The following KCNN3 variants were observed in gnomAD, a reference collection of about 807,000 sequenced individuals.
The protein encoded by KCNN3 is small conductance calcium-activated potassium channel protein 3.
Under a neutral mutation model 62.9 loss-of-function variants are expected in KCNN3, and 16 were observed. The ratio of observed to expected loss-of-function variants is 0.25; its 90% CI spans 0.17 to 0.39. The LOEUF (loss-of-function observed/expected upper bound fraction) is 0.39, where lower values mean the gene tolerates loss of function less well. Ranked by LOEUF, KCNN3 falls within the 10% of genes least tolerant of loss-of-function variation. The pLI is 1.00. For missense variants in KCNN3, 599 were observed against 949.4 expected (o/e 0.63, Z 4.85); for synonymous variants, 370 against 389.2 (o/e 0.95, Z 0.58).
At chr1:154,743,893 G>A (rs536546985) in intron 3 of KCNN3, among the ~76,000 whole-genome samples, 1 of 152,274 alleles carries the variant, frequency 6.6e-6, no homozygotes, top group South Asian at 2.1e-4. Flanking sequence ...TGGGTTTATT[G>A]TGAAGTAATC....
At chr1:154,745,248 C>T (rs1700913741) in intron 3 of KCNN3, among the ~76,000 whole-genome samples, 1 of 152,200 alleles carries the variant, frequency 6.6e-6, no homozygotes, top group Admixed American at 6.5e-5. Context: ...CAGCATGGTG[C>T]AAGGCCTCCA....
chr1:154,820,950 G>A (rs1261282159), intron 2 of KCNN3, among the ~76,000 whole-genome samples: 1 of 152,206 alleles, frequency 6.6e-6, no homozygotes, highest in Admixed American at 6.5e-5. Context: ...ACCTGCGTCC[G>A]CACTGCTGCT....
intron 5 of KCNN3, among the ~76,000 whole-genome samples, chr1:154,719,406 A>G (rs1342301921): frequency 6.6e-6 from 1 of 152,184 alleles, no homozygotes; most frequent in Non-Finnish European, 1.5e-5. Flanking sequence ...CCTAGGCTGT[A>G]TGGTATAGCC....
chr1:154,761,331 G>A (rs1557962430), intron 3 of KCNN3, among the ~76,000 whole-genome samples: 1 of 152,188 alleles, frequency 6.6e-6, no homozygotes, highest in Non-Finnish European at 1.5e-5. Flanking sequence ...AGCCGGGCAT[G>A]GTGGCGCACG....
At chr1:154,867,466 T>C (rs971202648) in intron 1 of KCNN3, among the ~76,000 whole-genome samples, 1 of 152,078 alleles carries the variant, frequency 6.6e-6, no homozygotes, top group African/African-American at 2.4e-5. Flanking sequence ...CTGGAAGTCT[T>C]GGTCCTGGCT....
chr1:154,760,112 A>G (rs1647930526), intron 3 of KCNN3, among the ~76,000 whole-genome samples: 1 of 151,950 alleles, frequency 6.6e-6, no homozygotes, highest in African/African-American at 2.4e-5. Flanking sequence ...TCTCAGGTTC[A>G]AGCGATTCTC....
At chr1:154,735,023 G>A (rs1700680874) in intron 3 of KCNN3, among the ~76,000 whole-genome samples, 1 of 152,226 alleles carries the variant, frequency 6.6e-6, no homozygotes, top group African/African-American at 2.4e-5. Flanking sequence ...TCAGATTTAG[G>A]AAGGCCTGGA....
chr1:154,836,412 C>G (rs1321599020), intron 1 of KCNN3, among the ~76,000 whole-genome samples: 1 of 152,180 alleles, frequency 6.6e-6, no homozygotes, highest in Non-Finnish European at 1.5e-5. Context: ...TCTCTGAGCT[C>G]CCCTAGTCCA....
Position 154,780,185 on chromosome 1 carries a change from T to G in KCNN3, c.1030-7792A>C, listed in dbSNP as rs144452290. Among the ~76,000 whole-genome samples, 1,109 of 124,656 alleles carry G rather than the reference T, an allele frequency of 8.9e-3. 32 individuals are homozygous for G. Among genetic ancestry groups the G allele is most frequent in the Admixed American group, 0.067 (714 of 10,718 alleles). 81.8% of individuals were successfully genotyped at this position (124,656 alleles called of 152,430 possible). On this transcript the variant is annotated intron_variant, in intron 2 of 7. Transcript: ENST00000271915. ...GGCATGCAGGGAAGCTTGCCTTTTT[T>G]CTTTTTTTCTTTTTTTTTTTTTTTT... is the stretch of plus-strand genomic sequence containing the variant.
chr1:154,787,846 G>A (rs1045303501), intron 2 of KCNN3, among the ~76,000 whole-genome samples: 1 of 130,946 alleles, frequency 7.6e-6, no homozygotes, highest in Non-Finnish European at 1.6e-5. Flanking sequence ...CAGGGCCCAC[G>A]CTGCCACTTT....
chr1:154,863,819 C>T (rs772042146), intron 1 of KCNN3, among the ~76,000 whole-genome samples: 10 of 152,192 alleles, frequency 6.6e-5, no homozygotes, highest in African/African-American at 9.7e-5. Context: ...TGGGTAATGC[C>T]GCCTGTGGGG....
chr1:154,792,715 G>A (rs1649569142), intron 2 of KCNN3, among the ~76,000 whole-genome samples: 1 of 152,146 alleles, frequency 6.6e-6, no homozygotes, highest in Admixed American at 6.5e-5. Flanking sequence ...CCAGGGAAAT[G>A]TTTTCAAAAT....
intron 4 of KCNN3, among the ~76,000 whole-genome samples, chr1:154,726,318 G>A (rs1409785685): frequency 6.6e-6 from 1 of 152,178 alleles, no homozygotes; most frequent in Non-Finnish European, 1.5e-5. Context: ...TGGCGCCGAG[G>A]CTTTGGGGGG....
chr1:154,846,934 A>G (rs1218560), intron 1 of KCNN3, among the ~76,000 whole-genome samples: 147,123 of 152,234 alleles, frequency 0.97, 71,302 homozygotes, highest in East Asian at 1. Flanking sequence ...ACCTCCCATC[A>G]CCACCACCCA....
At position 154,698,563 on chromosome 1, in the gene KCNN3, C is replaced by T. The variant is rs936554689; in HGVS notation, c.*9413G>A. The T allele has an allele frequency of 6.6e-6, 1 of 152,346 alleles. No individual in the cohort carries two copies. Among genetic ancestry groups the T allele is most frequent in the South Asian group, 2.1e-4 (1 of 4,818 alleles). The allele number at this position is 152,346 out of a possible 1,614,324, so 9.4% of individuals were successfully genotyped here. A position where few individuals can be genotyped will look rare whatever the true frequency, so the allele number is the denominator to read the frequency against. Reference sequence around the variant, plus strand: ...CAGCAATGGAAACCTGGCGACTCTTCCTGGAGCTCTAGGGACTTCTAACCA... The same window carrying T: ...CAGCAATGGAAACCTGGCGACTCTTTCTGGAGCTCTAGGGACTTCTAACCA... On this transcript the variant is annotated 3_prime_UTR_variant, in exon 8 of 8. Transcript: ENST00000271915.
At chr1:154,711,986 C>G (rs61811432) in intron 7 of KCNN3, among the ~76,000 whole-genome samples, 123 of 126,812 alleles carry the variant, frequency 9.7e-4, no homozygotes, top group Non-Finnish European at 1.6e-3. Flanking sequence ...GACAGGGAGA[C>G]GGAGAGGAAG....
chr1:154,771,893 A>G, intron 3 of KCNN3, 82 bp downstream of exon 3: 6 of 1,391,640 alleles, frequency 4.3e-6, no homozygotes, highest in Non-Finnish European at 6.1e-6. Flanking sequence ...CCATCAGACC[A>G]CATACTTCCT....
chr1:154,707,682 T>G lies in KCNN3; in HGVS notation c.*294A>C. 17 of 324,116 alleles carry G rather than the reference T, an allele frequency of 5.2e-5. No individual in the cohort carries two copies. The highest frequency in any genetic ancestry group is 6.9e-5 in the Non-Finnish European group (12 of 175,098). The allele number at this position is 324,116 out of a possible 1,614,324, so 20.1% of individuals were successfully genotyped here. On this transcript the variant is annotated 3_prime_UTR_variant, in exon 8 of 8. Coordinates refer to ENST00000271915, the MANE Select transcript of KCNN3 (RefSeq NM_002249.6). ...CCACCCCCCGCGTGAAGACCTGAGA[T>G]TGAGCGTGGATTTCTGTTCTCCACC...
At chr1:154,746,639 T>A (rs1442632665) in intron 3 of KCNN3, among the ~76,000 whole-genome samples, 1 of 152,074 alleles carries the variant, frequency 6.6e-6, no homozygotes, top group African/African-American at 2.4e-5. Flanking sequence ...CTCCCTCTCA[T>A]CTCTCCTCTC....
Sources: gnomAD v4.1 joint callset for allele counts (sites outside exome capture counted in the v4.1 genomes callset) on GRCh38, gnomAD v4.1.1 for gene constraint, MANE v1.5 for transcripts, NCBI Gene and HGNC (gene_info 2026-07-23, HGNC 2026-07-21) for gene names.